Variants in MYH14 observed in about 807,000 individuals in gnomAD.
MYH14 encodes the protein myosin heavy chain 14.
MYH14 carries 123 observed loss-of-function variants against 255.5 expected under a neutral mutation model. The ratio of observed to expected loss-of-function variants is 0.48; its 90% CI spans 0.42 to 0.56. MYH14 has a LOEUF of 0.56. Ranked by LOEUF, MYH14 falls within the 20% of genes least tolerant of loss-of-function variation. The probability of loss-of-function intolerance (pLI) is 0.00; values close to 1 mark genes in which losing one functional copy is unlikely to be tolerated. For synonymous variants in MYH14, 1,095 were observed against 1,161.2 expected (o/e 0.94, Z 1.16); for missense variants, 2,423 against 2,802.3 (o/e 0.86, Z 3.06).
Position 50,276,299 on chromosome 19 carries a change from TTA to T in MYH14, c.3680+98_3680+99del. 9.9e-7 allele frequency: 1 copy of T among 1,011,716 alleles called. No homozygotes were observed. The highest frequency in any genetic ancestry group is 1.4e-6 in the Non-Finnish European group (1 of 711,790). 62.7% of individuals were successfully genotyped at this position (1,011,716 alleles called of 1,614,324 possible). A position where few individuals can be genotyped will look rare whatever the true frequency, so the allele number is the denominator to read the frequency against. ...AGTCTCTGTCTATACAGAGGCTTAC[TTA>T]TTGTACAGTTGTTCATGAACCACCG... On this transcript the variant is annotated intron_variant, in intron 28 of 42. Coordinates refer to ENST00000642316, the MANE Select transcript of MYH14 (RefSeq NM_001145809.2). This position sits in a 1 kb window ranked among gnomAD's most constrained non-coding sequence, Gnocchi z 4.3.
intron 10 of MYH14, among the ~76,000 whole-genome samples, chr19:50,233,769 C>A (rs2033522222): frequency 6.6e-6 from 1 of 151,662 alleles, no homozygotes; most frequent in Non-Finnish European, 1.5e-5. Flanking sequence ...CATGGCGGCT[C>A]CCTGTGTGTG....
At chr19:50,289,743 C>T in intron 35 of MYH14, 95 bp downstream of exon 35, 1 of 1,135,324 alleles carries the variant, frequency 8.8e-7, no homozygotes. Context: ...GTCTCCCCGA[C>T]CCACCCACCA....
At chr19:50,236,154 C>T (rs940265442) in intron 10 of MYH14, among the ~76,000 whole-genome samples, 5 of 151,568 alleles carry the variant, frequency 3.3e-5, no homozygotes, top group African/African-American at 1.2e-4. Flanking sequence ...CAACATGATG[C>T]AACCTCGTCT....
chr19:50,231,877 A>C (rs2033409724), intron 9 of MYH14, 53 bp from the exon 10 acceptor site: 13 of 1,607,152 alleles, frequency 8.1e-6, no homozygotes, highest in Non-Finnish European at 1.1e-5. Context: ...ATCCAGGATG[A>C]GTCTGACTGC....
Position 50,309,201 on chromosome 19 carries a change from C to T in MYH14, c.5960+24C>T, listed in dbSNP as rs1165810469. Reference sequence around the variant, plus strand: ...CGGTATGGTCATCCCACGTACAGGCCTGACGGGTGGGGAGCACCCTAACTC... The same window carrying T: ...CGGTATGGTCATCCCACGTACAGGCTTGACGGGTGGGGAGCACCCTAACTC... On this transcript the variant is annotated intron_variant, in intron 42 of 42. Coordinates refer to ENST00000642316, the MANE Select transcript of MYH14 (RefSeq NM_001145809.2). 3 of 1,611,960 alleles carry T rather than the reference C, an allele frequency of 1.9e-6. No homozygotes were observed. The African/African-American group carries it at 4.0e-5, about 22-fold the overall frequency.
rs2034304320 is a variant in MYH14 at position 50,250,023 on chromosome 19, G to A, written c.1656+200G>A. 2.0e-5 allele frequency among the ~76,000 whole-genome samples: 3 copies of A among 152,256 alleles called. No individual in the cohort carries two copies. The highest frequency in any genetic ancestry group is 6.5e-5 in the Admixed American group (1 of 15,282). On this transcript the variant is annotated intron_variant, in intron 14 of 42. Transcript: ENST00000642316. The surrounding 1 kb of genome is among the most constrained non-coding windows in gnomAD (Gnocchi z 5.4). ...CCAGAATGTGCCTGCCACAGGGCCC[G>A]GCTCAAATCAATCGGTTAATCAGAG...
chr19:50,247,158 G>A, intron 12 of MYH14, 36 bp downstream of exon 12: 3 of 1,479,140 alleles, frequency 2.0e-6, no homozygotes, highest in East Asian at 2.3e-5. Flanking sequence ...CACAGAAAGA[G>A]CCGCGCACCC....
At chr19:50,257,718 G>A (rs2034644848) in intron 18 of MYH14, among the ~76,000 whole-genome samples, 1 of 152,190 alleles carries the variant, frequency 6.6e-6, no homozygotes, top group South Asian at 2.1e-4. Flanking sequence ...GGAGGCATTG[G>A]AGAGAAAGGC....
At chr19:50,203,999 C>T (rs868161354) in intron 1 of MYH14, among the ~76,000 whole-genome samples, 1 of 152,278 alleles carries the variant, frequency 6.6e-6, no homozygotes, top group South Asian at 2.1e-4. Context: ...TGAGTCATCG[C>T]CTCCAGTCCC....
chr19:50,249,696 TGCA>T lies in MYH14; in HGVS notation c.1535_1537del (p.Gln512del). On this transcript the variant is annotated inframe_deletion, in exon 14 of 43. Coordinates refer to ENST00000642316, the MANE Select transcript of MYH14 (RefSeq NM_001145809.2). ...TGCATCAACTACACCAACGAGAAGC[TGCA>T]GCAGCTCTTCAACCACACCATGTTC... The T allele has an allele frequency of 6.2e-7, 1 of 1,614,152 alleles. No homozygotes were observed. The highest frequency in any genetic ancestry group is 8.5e-7 in the Non-Finnish European group (1 of 1,180,046).
chr19:50,221,808 C>T lies in MYH14; in HGVS notation c.563-1275C>T, dbSNP rs904746494. ...CTGCTTTAAAACCCATCCCACCACTCGCCATCTCTGCCCTATCCCCCAACC... is the reference window on the plus strand; with the variant it reads ...CTGCTTTAAAACCCATCCCACCACTTGCCATCTCTGCCCTATCCCCCAACC... On this transcript the variant is annotated intron_variant, in intron 3 of 42. Transcript: ENST00000642316. The surrounding 1 kb of genome is among the most constrained non-coding windows in gnomAD (Gnocchi z 5.3). Among the ~76,000 whole-genome samples, 2 of 152,126 alleles carry T rather than the reference C, an allele frequency of 1.3e-5. No individual in the cohort carries two copies. The highest frequency in any genetic ancestry group is 1.9e-4 in the East Asian group (1 of 5,180).
chr19:50,264,188 C>A (rs1403544969), intron 22 of MYH14, among the ~76,000 whole-genome samples: 4 of 151,450 alleles, frequency 2.6e-5, no homozygotes, highest in African/African-American at 9.7e-5. Context: ...TAGCTGTTCC[C>A]AGCAATGAAG....
Position 50,291,089 on chromosome 19 carries a change from G to A in MYH14, c.5127+41G>A, listed in dbSNP as rs999313562. 4.4e-6 allele frequency: 7 copies of A among 1,599,992 alleles called. No individual in the cohort carries two copies. In the African/African-American group the frequency reaches 9.4e-5, roughly 21 times the overall value. ...AGCTGCAGGGAGGGGAGGCTTTGGT[G>A]TCTTCAAGCCCCAACCATCACTCCA... On this transcript the variant is annotated intron_variant, in intron 36 of 42. Transcript: ENST00000642316.
rs556636776 is a variant in MYH14, at chr19:50,205,442, C to T, written c.-4+1771C>T. On this transcript the variant is annotated intron_variant, in intron 1 of 42. Transcript: ENST00000642316. ...GTGACATCAGAGCCGGGCTCCCGCC[C>T]TGTGACGCGACGGGGCCCCGCCCTG... The T allele has an allele frequency of 1.0e-4, 16 of 152,506 alleles. No individual in the cohort carries two copies. In the East Asian group the frequency reaches 2.9e-3, roughly 28 times the overall value. The allele number at this position is 152,506 out of a possible 1,614,324, so 9.4% of individuals were successfully genotyped here. A position where few individuals can be genotyped will look rare whatever the true frequency, so the allele number is the denominator to read the frequency against.
intron 8 of MYH14, among the ~76,000 whole-genome samples, chr19:50,227,371 C>T (rs914569651): frequency 2.6e-5 from 4 of 152,164 alleles, no homozygotes; most frequent in African/African-American, 9.7e-5. Context: ...TGCGACAACA[C>T]TTATGAAATG....
In MYH14 at chr19:50,259,264, C is replaced by T; in HGVS notation, c.2353C>T (p.Arg785Ter). Residue 785 changes from arginine to a stop codon, truncating the protein, a stop_gained and splice_region_variant, in exon 19 of 43, where the codon CGA becomes TGA. Transcript: ENST00000642316. LOFTEE classifies it high-confidence loss of function. ...CATCCTCTTCCAGGAGTTCCGGCAG[C>T]GGTGAGCTAGAGCGAGGGCCCAGGC... is the stretch of plus-strand genomic sequence containing the variant. ...NRILFQEFRQ[R>*]YEILTPNAIP... 6.4e-7 allele frequency: 1 copy of T among 1,574,704 alleles called. No individual in the cohort carries two copies. The highest frequency in any genetic ancestry group is 8.6e-7 in the Non-Finnish European group (1 of 1,159,556).
chr19:50,307,225 T>C lies in MYH14; in HGVS notation c.5787+68T>C. 6 of 967,518 alleles carry C rather than the reference T, an allele frequency of 6.2e-6. No individual in the cohort carries two copies. The South Asian group carries it at 8.5e-5, about 14-fold the overall frequency. 59.9% of individuals were successfully genotyped at this position (967,518 alleles called of 1,614,324 possible). A position where few individuals can be genotyped will look rare whatever the true frequency, so the allele number is the denominator to read the frequency against. Reference sequence around the variant, plus strand: ...ACTGGCTGAGAAATTGCACAGGCTGTCTCCAGAGGCAATGAGCTCCCATCA... The same window carrying C: ...ACTGGCTGAGAAATTGCACAGGCTGCCTCCAGAGGCAATGAGCTCCCATCA... On this transcript the variant is annotated intron_variant, in intron 41 of 42. Coordinates refer to ENST00000642316, the MANE Select transcript of MYH14 (RefSeq NM_001145809.2).
At position 50,310,030 on chromosome 19, in the gene MYH14, G is replaced by A; in HGVS notation, c.*240G>A. ...ATGACTGGAGCTACCTTGCTTGTTG[G>A]GGGACTGGGTACAGTTGGCAAGCTG... On this transcript the variant is annotated 3_prime_UTR_variant, in exon 43 of 43. Transcript: ENST00000642316. The A allele has an allele frequency of 3.2e-6, 2 of 616,420 alleles. No individual in the cohort carries two copies. The highest frequency in any genetic ancestry group is 2.9e-5 in the East Asian group (1 of 35,064). 38.2% of individuals were successfully genotyped at this position (616,420 alleles called of 1,614,324 possible).
rs376122788 is a variant in MYH14 at position 50,271,536 on chromosome 19, A to T, written c.3161A>T (p.Lys1054Met). 6.2e-7 allele frequency: 1 copy of T among 1,605,554 alleles called. No individual in the cohort carries two copies. ...DLLLLEDQNS[K>M]LSKERKLLED... Reference sequence around the variant, plus strand: ...CTGCTCCTGGAAGACCAGAATTCCAAGCTGAGCAAGGTTGGGGGCCTGAGG... The same window carrying T: ...CTGCTCCTGGAAGACCAGAATTCCATGCTGAGCAAGGTTGGGGGCCTGAGG... The change falls in exon 25 of 43, where the codon AAG becomes ATG. Residue 1054 changes from lysine (K) to methionine (M), a missense_variant. This residue lies in a region of MYH14 where 1,513 missense variants were observed against 1,674.8 expected (regional missense o/e 0.90). Coordinates refer to ENST00000642316, the MANE Select transcript of MYH14 (RefSeq NM_001145809.2).
Sources: gnomAD v4.1 joint callset for allele counts (sites outside exome capture counted in the v4.1 genomes callset) on GRCh38, gnomAD v4.1.1 for gene constraint, gnomAD v4.1.1 regional missense constraint, Gnocchi (gnomAD v3.1) non-coding constraint, MANE v1.5 for transcripts, NCBI Gene and HGNC (gene_info 2026-07-23, HGNC 2026-07-21) for gene names.